The following CTNNA2 variants were observed in gnomAD, a reference collection of about 807,000 sequenced individuals.
CTNNA2 encodes catenin alpha 2.
Under a neutral mutation model 101.0 loss-of-function variants are expected in CTNNA2, and 42 were observed. The observed-to-expected ratio is 0.42, with a 90% CI of 0.32 to 0.54. The LOEUF is 0.54. CTNNA2 is among the 20% of genes least tolerant of loss of function. The probability of loss-of-function intolerance (pLI) is 0.14; values close to 1 mark genes in which losing one functional copy is unlikely to be tolerated. For missense variants in CTNNA2, 871 were observed against 1,223.1 expected (o/e 0.71, Z 4.29); for synonymous variants, 450 against 456.4 (o/e 0.99, Z 0.18).
At chr2:79,983,363 A>G (rs2103848201) in intron 7 of CTNNA2, among the ~76,000 whole-genome samples, 1 of 152,182 alleles carries the variant, frequency 6.6e-6, no homozygotes, top group Non-Finnish European at 1.5e-5. Flanking sequence ...CACACAATAA[A>G]TACATAGAAA....
chr2:79,765,156 A>G (rs1296137697), intron 3 of CTNNA2, among the ~76,000 whole-genome samples: 1 of 152,210 alleles, frequency 6.6e-6, no homozygotes, highest in Non-Finnish European at 1.5e-5. Context: ...TTTGTGCACA[A>G]TGTGGTTAAG....
At chr2:79,375,313 A>AAGCTTTT (rs1408190103) in intron 4 of CTNNA2, among the ~76,000 whole-genome samples, 2 of 152,174 alleles carry the variant, frequency 1.3e-5, no homozygotes, top group African/African-American at 2.4e-5. Flanking sequence ...ACTACCTTGT[A>AAGCTTTT]AGCTTTTTGT....
At chr2:80,592,678 T>C (rs1183409399) in intron 15 of CTNNA2, among the ~76,000 whole-genome samples, 1 of 151,912 alleles carries the variant, frequency 6.6e-6, no homozygotes, top group Non-Finnish European at 1.5e-5. Flanking sequence ...GTGACTTTTA[T>C]GGTTCGATAC....
At chr2:80,623,647 G>T (rs1260403837) in intron 18 of CTNNA2, among the ~76,000 whole-genome samples, 2 of 151,866 alleles carry the variant, frequency 1.3e-5, no homozygotes, top group African/African-American at 4.8e-5. Context: ...GGGTTTGGGG[G>T]AGACTACTAA....
At chr2:79,265,356 C>T (rs1674974874) in intron 2 of CTNNA2, among the ~76,000 whole-genome samples, 1 of 152,142 alleles carries the variant, frequency 6.6e-6, no homozygotes, top group Non-Finnish European at 1.5e-5. Context: ...AAGGCAGCTC[C>T]ATATGGTGCC....
chr2:79,242,327 C>A (rs1674637642), intron 2 of CTNNA2, among the ~76,000 whole-genome samples: 1 of 152,136 alleles, frequency 6.6e-6, no homozygotes, highest in South Asian at 2.1e-4. Context: ...GAGATTGTTT[C>A]ATTTTTCAAT....
intron 7 of CTNNA2, among the ~76,000 whole-genome samples, chr2:79,956,843 G>GTTTTTTGTTTTTTTTTTTTT (rs1553413397): frequency 1.9e-4 from 19 of 98,936 alleles, no homozygotes; most frequent in African/African-American, 8.9e-4. Flanking sequence ...ATACGTGTGG[G>GTTTTTTGTTTTTTTTTTTTT]TTTTTTTTTT....
chr2:79,635,782 G>T lies in CTNNA2; in HGVS notation c.-5-15770G>T, dbSNP rs184724593. ...GCCTCCCTAAGTGCTGGGATTACAG[G>T]CATGAGCCACCGTGCCCGGCCAATA... On this transcript the variant is annotated intron_variant, in intron 1 of 18. Transcript: ENST00000402739. Among the ~76,000 whole-genome samples the T allele has an allele frequency of 2.5e-3, 379 of 151,586 alleles. 2 individuals carry two copies. Among genetic ancestry groups the T allele is most frequent in the Non-Finnish European group, 3.8e-3 (260 of 67,890 alleles).
chr2:80,527,393 G>A (rs577896520), intron 9 of CTNNA2, among the ~76,000 whole-genome samples: 3 of 152,282 alleles, frequency 2.0e-5, no homozygotes, highest in Admixed American at 2.0e-4. Flanking sequence ...CAGATGACTG[G>A]GCCCCACCCC....
chr2:79,745,866 G>C (rs1168847046), intron 3 of CTNNA2, among the ~76,000 whole-genome samples: 1 of 152,160 alleles, frequency 6.6e-6, no homozygotes, highest in Non-Finnish European at 1.5e-5. Context: ...TATGAACATA[G>C]AGGTAAAGAT....
intron 2 of CTNNA2, among the ~76,000 whole-genome samples, chr2:79,728,219 C>G (rs962656391): frequency 7.9e-4 from 121 of 152,230 alleles, no homozygotes; most frequent in African/African-American, 2.7e-3. Context: ...TCCTATTTCT[C>G]CACATCCTCT....
At chr2:79,487,438 A>G (rs1671168976) in intron 4 of CTNNA2, among the ~76,000 whole-genome samples, 1 of 152,210 alleles carries the variant, frequency 6.6e-6, no homozygotes, top group Non-Finnish European at 1.5e-5. Flanking sequence ...AGTGTAGTGA[A>G]CATTCTGGGA....
At chr2:79,245,536 G>A (rs1437229094) in intron 2 of CTNNA2, among the ~76,000 whole-genome samples, 2 of 152,114 alleles carry the variant, frequency 1.3e-5, no homozygotes, top group Non-Finnish European at 2.9e-5. Flanking sequence ...CCAAGGATGG[G>A]CCTGGACCCA....
At chr2:79,431,813 A>C (rs1392648231) in intron 4 of CTNNA2, among the ~76,000 whole-genome samples, 2 of 152,180 alleles carry the variant, frequency 1.3e-5, no homozygotes, top group African/African-American at 4.8e-5. Context: ...TCGGTGATGC[A>C]AATTTTTTTC....
chr2:80,197,502 A>G (rs565394168), intron 7 of CTNNA2, among the ~76,000 whole-genome samples: 1 of 152,336 alleles, frequency 6.6e-6, no homozygotes, highest in Admixed American at 6.5e-5. Context: ...AAGAATGGAG[A>G]TGATAAACAT....
chr2:79,350,073 C>CAAAAAAAA (rs59503765), intron 3 of CTNNA2, among the ~76,000 whole-genome samples: 2 of 57,450 alleles, frequency 3.5e-5, no homozygotes, highest in African/African-American at 1.3e-4. Flanking sequence ...GACTCCTTCT[C>CAAAAAAAA]AAAAAAAAAA....
chr2:80,287,565 C>G (rs965654479), intron 7 of CTNNA2, among the ~76,000 whole-genome samples: 1 of 152,164 alleles, frequency 6.6e-6, no homozygotes, highest in Non-Finnish European at 1.5e-5. Flanking sequence ...ATAACACTTA[C>G]TGAATACTCA....
At chr2:80,574,434 CTCCT>C in intron 13 of CTNNA2, 120 bp downstream of exon 13, 2 of 1,243,920 alleles carry the variant, frequency 1.6e-6, no homozygotes, top group Non-Finnish European at 2.1e-6. Flanking sequence ...AGCTGTTTGG[CTCCT>C]TATTAGTCAG....
At chr2:79,815,288 A>G (rs748847246) in intron 3 of CTNNA2, among the ~76,000 whole-genome samples, 2 of 152,004 alleles carry the variant, frequency 1.3e-5, no homozygotes, top group Non-Finnish European at 2.9e-5. Flanking sequence ...AGTCGCAACT[A>G]TTTATCTTTG....
Sources: gnomAD v4.1 joint callset for allele counts (sites outside exome capture counted in the v4.1 genomes callset) on GRCh38, gnomAD v4.1.1 for gene constraint, MANE v1.5 for transcripts, NCBI Gene and HGNC (gene_info 2026-07-23, HGNC 2026-07-21) for gene names.